Variants in NCAM2 observed in about 807,000 individuals in gnomAD.
NCAM2 encodes the protein neural cell adhesion molecule 2.
NCAM2 carries 30 observed loss-of-function variants against 98.1 expected under a neutral mutation model. The observed-to-expected ratio is 0.31, with a 90% CI of 0.23 to 0.41. The LOEUF (loss-of-function observed/expected upper bound fraction) is 0.41. Ranked by LOEUF, NCAM2 falls within the 10% of genes least tolerant of loss-of-function variation. The probability of loss-of-function intolerance (pLI) is 1.00; values close to 1 mark genes in which losing one functional copy is unlikely to be tolerated. For missense variants in NCAM2, 867 were observed against 1,005.8 expected (o/e 0.86, Z 1.87); for synonymous variants, 368 against 342.4 (o/e 1.07, Z -0.83).
At chr21:21,442,466 G>C (rs565845032) in intron 12 of NCAM2, among the ~76,000 whole-genome samples, 1 of 152,234 alleles carries the variant, frequency 6.6e-6, no homozygotes, top group East Asian at 1.9e-4. Context: ...GGAAAAACTA[G>C]GTGCATCTTG....
At chr21:21,349,446 G>T (rs188465618) in intron 8 of NCAM2, among the ~76,000 whole-genome samples, 2 of 152,126 alleles carry the variant, frequency 1.3e-5, no homozygotes, top group African/African-American at 4.8e-5. Context: ...TGACAAGGAC[G>T]TATAGAAAAG....
intron 1 of NCAM2, among the ~76,000 whole-genome samples, chr21:21,252,935 T>C (rs1394641501): frequency 6.6e-6 from 1 of 152,148 alleles, no homozygotes; most frequent in Non-Finnish European, 1.5e-5. Flanking sequence ...CGAAGCATTA[T>C]CATAATCTTA....
At chr21:21,512,691 T>C (rs190232567) in intron 16 of NCAM2, among the ~76,000 whole-genome samples, 2 of 152,202 alleles carry the variant, frequency 1.3e-5, no homozygotes. Context: ...TATGGACATT[T>C]TGACAACATT....
intron 16 of NCAM2, among the ~76,000 whole-genome samples, chr21:21,520,740 A>T (rs985165501): frequency 3.1e-4 from 47 of 152,302 alleles, no homozygotes; most frequent in African/African-American, 9.9e-4. Flanking sequence ...CAGATGCAGA[A>T]AATCACAACT....
intron 1 of NCAM2, among the ~76,000 whole-genome samples, chr21:21,165,821 A>C (rs970909333): frequency 2.0e-5 from 3 of 152,226 alleles, no homozygotes; most frequent in African/African-American, 7.2e-5. Context: ...GTACATATTC[A>C]GGATATTGTT....
intron 8 of NCAM2, among the ~76,000 whole-genome samples, chr21:21,362,237 T>G (rs961383817): frequency 2.0e-5 from 3 of 152,152 alleles, no homozygotes; most frequent in African/African-American, 7.2e-5. Flanking sequence ...AATGGTTAGA[T>G]TGATTCACCT....
intron 1 of NCAM2, among the ~76,000 whole-genome samples, chr21:21,012,288 A>G (rs1204610948): frequency 6.6e-6 from 1 of 152,182 alleles, no homozygotes; most frequent in Non-Finnish European, 1.5e-5. Flanking sequence ...TAATTCATTA[A>G]GAACTACATA....
At position 21,105,493 on chromosome 21, in the gene NCAM2, A is replaced by G. The variant is rs150937315; in HGVS notation, c.55+106875A>G. On this transcript the variant is annotated intron_variant, in intron 1 of 17. Transcript: ENST00000400546. The stretch of plus-strand genomic sequence containing the variant: ...GATGCAATGGAAGACAGAACTGGCC[A>G]TAAATATGGGTATCCTTCATATACA... Among the ~76,000 whole-genome samples, 689 of 152,232 alleles carry G rather than the reference A, an allele frequency of 4.5e-3. 5 individuals are homozygous for G. The highest frequency in any genetic ancestry group is 0.033 in the East Asian group (169 of 5,152).
chr21:21,399,706 G>A (rs2076587403), intron 9 of NCAM2, among the ~76,000 whole-genome samples: 2 of 152,098 alleles, frequency 1.3e-5, no homozygotes, highest in South Asian at 2.1e-4. Flanking sequence ...TCAGGTCAAA[G>A]ACTTGTATAT....
chr21:21,245,502 G>A (rs919971405), intron 1 of NCAM2, among the ~76,000 whole-genome samples: 1 of 152,172 alleles, frequency 6.6e-6, no homozygotes, highest in Non-Finnish European at 1.5e-5. Flanking sequence ...AAAAGTAATG[G>A]CATCCACCTG....
chr21:21,244,973 C>A (rs1056952994), intron 1 of NCAM2, among the ~76,000 whole-genome samples: 1 of 151,990 alleles, frequency 6.6e-6, no homozygotes, highest in Non-Finnish European at 1.5e-5. Flanking sequence ...AACCAGAAGT[C>A]CGAATTCTTC....
chr21:21,182,418 A>G (rs1426224817), intron 1 of NCAM2, among the ~76,000 whole-genome samples: 2 of 152,150 alleles, frequency 1.3e-5, no homozygotes, highest in Admixed American at 6.6e-5. Flanking sequence ...TGTGGTTACT[A>G]TTTTCACATT....
chr21:21,374,097 T>TA, intron 9 of NCAM2, 84 bp downstream of exon 9: 1 of 1,328,336 alleles, frequency 7.5e-7, no homozygotes, highest in Non-Finnish European at 1.0e-6. Flanking sequence ...CCAAAATATA[T>TA]ATGTAGTTCA....
At chr21:21,290,491 G>A (rs1203497374) in intron 4 of NCAM2, among the ~76,000 whole-genome samples, 3 of 151,736 alleles carry the variant, frequency 2.0e-5, no homozygotes, top group South Asian at 4.2e-4. Flanking sequence ...TCTTTCTTTT[G>A]ATGAGGGCAT....
At chr21:21,109,776 T>G (rs2066419462) in intron 1 of NCAM2, among the ~76,000 whole-genome samples, 1 of 152,206 alleles carries the variant, frequency 6.6e-6, no homozygotes, top group Non-Finnish European at 1.5e-5. Context: ...GAGTGTCTAA[T>G]TCATCCCTCT....
chr21:21,266,241 A>C (rs1601816384), intron 1 of NCAM2, among the ~76,000 whole-genome samples: 1 of 152,062 alleles, frequency 6.6e-6, no homozygotes, highest in African/African-American at 2.4e-5. Context: ...TTAGACTTAA[A>C]CATACTGTTT....
In NCAM2 at chr21:21,041,922, C is replaced by T. The variant is rs141452145; in HGVS notation, c.55+43304C>T. ...CAAGAATATGAGACCAGCATTGAAT[C>T]AGCTTATCTTGTGGCTAAGATGGAG... On this transcript the variant is annotated intron_variant, in intron 1 of 17. Transcript: ENST00000400546. Among the ~76,000 whole-genome samples the T allele has an allele frequency of 2.4e-4, 36 of 152,238 alleles. No homozygotes were observed. The East Asian group carries it at 7.0e-3, about 29-fold the overall frequency.
chr21:21,232,311 T>C (rs2070662824), intron 1 of NCAM2, among the ~76,000 whole-genome samples: 1 of 151,628 alleles, frequency 6.6e-6, no homozygotes, highest in Non-Finnish European at 1.5e-5. Flanking sequence ...CATATATAAA[T>C]TACCAATAAA....
chr21:21,380,405 T>A (rs1416493209), intron 9 of NCAM2, among the ~76,000 whole-genome samples: 1 of 152,218 alleles, frequency 6.6e-6, no homozygotes, highest in Non-Finnish European at 1.5e-5. Context: ...CTGTTGCTGC[T>A]GTAATCAATT....
Sources: allele counts gnomAD v4.1 joint callset (sites outside exome capture counted in the v4.1 genomes callset), GRCh38; gene constraint gnomAD v4.1.1; transcripts MANE v1.5; gene names NCBI Gene and HGNC (gene_info 2026-07-23, HGNC 2026-07-21).